Variants in PTPN13 observed in about 807,000 individuals in gnomAD.
PTPN13 encodes protein tyrosine phosphatase non-receptor type 13, also known as tyrosine-protein phosphatase non-receptor type 13.
In PTPN13, 191 loss-of-function variants were observed where a neutral mutation model predicts 284.0. The ratio of observed to expected loss-of-function variants is 0.67; its 90% CI spans 0.60 to 0.76. PTPN13 has a LOEUF of 0.76. Among genes scored for constraint, PTPN13 ranks in the 30% least tolerant of loss-of-function variants. The probability of loss-of-function intolerance (pLI) is 0.00; values close to 1 mark genes in which losing one functional copy is unlikely to be tolerated. For missense variants in PTPN13, 2,797 were observed against 2,939.9 expected, an observed-to-expected ratio of 0.95 and a Z score of 1.12; for synonymous variants, 986 against 1,022.3, an observed-to-expected ratio of 0.96 and a Z score of 0.68.
intron 35 of PTPN13, among the ~76,000 whole-genome samples, chr4:86,780,183 G>A (rs1741133256): frequency 6.6e-6 from 1 of 152,014 alleles, no homozygotes; most frequent in Non-Finnish European, 1.5e-5. Flanking sequence ...TGGATTGCTT[G>A]AACTCAGGAG....
Position 86,814,446 on chromosome 4 carries a change from T to G in PTPN13, c.7363-10T>G. 1.3e-6 allele frequency: 2 copies of G among 1,575,292 alleles called. No individual in the cohort carries two copies. The highest frequency in any genetic ancestry group is 1.7e-6 in the Non-Finnish European group (2 of 1,146,196). ...TCTAAAGTATTCTATCTCACTTTTT[T>G]TGGCCATAGGATCAATATATTTTCT... On this transcript the variant is annotated splice_polypyrimidine_tract_variant and intron_variant, in intron 47 of 47. Coordinates refer to ENST00000411767, the MANE Select transcript of PTPN13 (RefSeq NM_080683.3).
chr4:86,735,867 C>G, intron 15 of PTPN13, 121 bp downstream of exon 15: 1 of 819,902 alleles, frequency 1.2e-6, no homozygotes, highest in Non-Finnish European at 1.8e-6. Context: ...AATCTCATCT[C>G]ATTGCTGGCT....
rs1307970540 is a variant in PTPN13, at chr4:86,607,137, A to G, written c.-6+12348A>G. Among the ~76,000 whole-genome samples the G allele has an allele frequency of 5.3e-5, 8 of 151,974 alleles. No homozygotes were observed. The East Asian group carries it at 1.5e-3, about 29-fold the overall frequency. Reference sequence around the variant, plus strand: ...CAAAATTCATGTTTATGATTCCTTTAAAACTGTTAATCTTTTTTTTAAAAA... The same window carrying G: ...CAAAATTCATGTTTATGATTCCTTTGAAACTGTTAATCTTTTTTTTAAAAA... On this transcript the variant is annotated intron_variant, in intron 1 of 47. Coordinates refer to ENST00000411767, the MANE Select transcript of PTPN13 (RefSeq NM_080683.3).
intron 2 of PTPN13, among the ~76,000 whole-genome samples, chr4:86,657,554 T>C (rs1430803015): frequency 6.6e-6 from 1 of 152,140 alleles, no homozygotes; most frequent in Non-Finnish European, 1.5e-5. Flanking sequence ...TTTCCTGTGA[T>C]CACCACAGCT....
At chr4:86,643,506 A>T (rs1039205649) in intron 2 of PTPN13, among the ~76,000 whole-genome samples, 4 of 152,216 alleles carry the variant, frequency 2.6e-5, no homozygotes, top group African/African-American at 9.6e-5. Context: ...AGACAACTTT[A>T]AAAAATCTTA....
At chr4:86,753,161 G>A (rs1565488808) in intron 20 of PTPN13, 96 bp downstream of exon 20, 2 of 865,582 alleles carry the variant, frequency 2.3e-6, no homozygotes, top group East Asian at 2.6e-5. Flanking sequence ...TGAGTTCCAT[G>A]CCTAGGATTT....
At chr4:86,737,244 AATAAAATAAAAT>A (rs1735624133) in intron 15 of PTPN13, among the ~76,000 whole-genome samples, 1 of 151,612 alleles carries the variant, frequency 6.6e-6, no homozygotes, top group South Asian at 2.1e-4. Flanking sequence ...TCTCAAATAA[AATAAAATAAAAT>A]ATAAAATAAA....
chr4:86,670,967 C>T (rs1441394547), intron 2 of PTPN13, among the ~76,000 whole-genome samples: 1 of 152,174 alleles, frequency 6.6e-6, no homozygotes, highest in Non-Finnish European at 1.5e-5. Flanking sequence ...TTTCAGAAGT[C>T]TGATGTATGA....
rs376788442 is a variant in PTPN13 at position 86,750,641 on chromosome 4, C to T, written c.2822C>T (p.Ser941Leu). The T allele has an allele frequency of 4.3e-6, 7 of 1,613,802 alleles. No homozygotes were observed. Among genetic ancestry groups the T allele is most frequent in the Middle Eastern group, 1.6e-4 (1 of 6,084 alleles). Residue 941 changes from serine to leucine, a missense_variant, in exon 18 of 48, where the codon TCG becomes TTG. Coordinates refer to ENST00000411767, the MANE Select transcript of PTPN13 (RefSeq NM_080683.3). ...ILKRLSCSEL[S>L]LYQPLQNSSK... ...AAGAGGCTATCCTGCTCAGAGCTGTCGCTTTACCAGCCATTGCAAAACAGT... is the reference window on the plus strand; with the variant it reads ...AAGAGGCTATCCTGCTCAGAGCTGTTGCTTTACCAGCCATTGCAAAACAGT...
rs1459109441 is a variant in PTPN13, at chr4:86,785,907, G to T, written c.6316G>T (p.Gly2106Cys). The change falls in exon 40 of 48, where the codon GGT becomes TGT. Residue 2106 changes from glycine to cysteine, a missense_variant. By Grantham distance (159) the Gly-to-Cys change is radical. Transcript: ENST00000411767. ...EERTEDTDCD[G>C]SPLPEYFTEA... is the part of the protein sequence containing the mutation. ...GAGAACAGAAGATACAGACTGCGAT[G>T]GTTCACCTTTACCTGAGTATTTTAC... 1 of 1,561,978 alleles carries T rather than the reference G, an allele frequency of 6.4e-7. No homozygotes were observed. The highest frequency in any genetic ancestry group is 2.3e-5 in the East Asian group (1 of 42,840).
chr4:86,651,328 G>A (rs1046241104), intron 2 of PTPN13, among the ~76,000 whole-genome samples: 2 of 152,036 alleles, frequency 1.3e-5, no homozygotes, highest in African/African-American at 4.8e-5. Context: ...GTATTTTGTT[G>A]AGGATTTTTG....
intron 10 of PTPN13, among the ~76,000 whole-genome samples, chr4:86,731,140 A>G (rs951348326): frequency 3.3e-5 from 5 of 152,208 alleles, no homozygotes; most frequent in African/African-American, 1.2e-4. Context: ...GAAACCAACA[A>G]AAATAAAACT....
At chr4:86,733,597 T>G (rs1331513727) in intron 12 of PTPN13, among the ~76,000 whole-genome samples, 1 of 151,918 alleles carries the variant, frequency 6.6e-6, no homozygotes, top group Non-Finnish European at 1.5e-5. Flanking sequence ...ACTCATACAA[T>G]AAATAGTCAA....
intron 40 of PTPN13, among the ~76,000 whole-genome samples, chr4:86,791,079 C>A (rs58742777): frequency 0.17 from 26,550 of 152,034 alleles, 2,688 homozygotes; most frequent in African/African-American, 0.27. Context: ...AGGGGATTTC[C>A]CTTTCCTAGC....
In PTPN13 at chr4:86,793,643, T is replaced by G. The variant is rs377292690; in HGVS notation, c.6346-3231T>G. On this transcript the variant is annotated intron_variant, in intron 40 of 47. Transcript: ENST00000411767. ...AGCAAATGTAAAAGAACAGAAATTA[T>G]AACAAACTGTCTCTCAGACCACAGT... Among the ~76,000 whole-genome samples, 5 of 152,306 alleles carry G rather than the reference T, an allele frequency of 3.3e-5. No homozygotes were observed. The South Asian group carries it at 8.3e-4, about 25-fold the overall frequency.
chr4:86,777,325 C>G (rs942463359), intron 35 of PTPN13, among the ~76,000 whole-genome samples: 3 of 152,106 alleles, frequency 2.0e-5, no homozygotes, highest in Admixed American at 6.6e-5. Flanking sequence ...TGGCTCACTT[C>G]CATCTTCAAA....
chr4:86,760,112 T>A (rs2149240276), intron 23 of PTPN13, among the ~76,000 whole-genome samples: 1 of 152,316 alleles, frequency 6.6e-6, no homozygotes, highest in South Asian at 2.1e-4. Context: ...TTCTTCTTAC[T>A]GGATATTATA....
intron 2 of PTPN13, among the ~76,000 whole-genome samples, chr4:86,651,879 T>C (rs1031092143): frequency 8.5e-5 from 13 of 152,180 alleles, no homozygotes; most frequent in Non-Finnish European, 1.8e-4. Context: ...CTTTTTTTCT[T>C]ACCTTGGCTA....
At position 86,732,786 on chromosome 4, in the gene PTPN13, T is replaced by C. The variant is rs757960884; in HGVS notation, c.1858+20T>C. 6 of 1,604,104 alleles carry C rather than the reference T, an allele frequency of 3.7e-6. No homozygotes were observed. Among genetic ancestry groups the C allele is most frequent in the Non-Finnish European group, 5.1e-6 (6 of 1,173,514 alleles). ...TCAAAGGTACCAAGACATTTTATAT[T>C]CAGAGTACAGTATAGAAATTTAGCA... On this transcript the variant is annotated intron_variant, in intron 12 of 47. Transcript: ENST00000411767.
Sources: gnomAD v4.1 joint callset for allele counts (sites outside exome capture counted in the v4.1 genomes callset) on GRCh38, gnomAD v4.1.1 for gene constraint, MANE v1.5 for transcripts, NCBI Gene and HGNC (gene_info 2026-07-23, HGNC 2026-07-21) for gene names.